Variants in CCNY observed in about 807,000 individuals in gnomAD.
CCNY encodes the protein cyclin-Y.
In CCNY, 19 loss-of-function variants were observed where a neutral mutation model predicts 42.8. The observed-to-expected ratio is 0.44, with a 90% CI of 0.31 to 0.65. The LOEUF (loss-of-function observed/expected upper bound fraction) is 0.65. Among genes scored for constraint, CCNY ranks in the 30% least tolerant of loss-of-function variants. The pLI is 0.07. For synonymous variants in CCNY, 165 were observed against 162.7 expected (o/e 1.01, Z -0.11); for missense variants, 370 against 437.3 (o/e 0.85, Z 1.37).
At chr10:35,395,764 C>T (rs1564395048) in intron 1 of CCNY, among the ~76,000 whole-genome samples, 1 of 152,162 alleles carries the variant, frequency 6.6e-6, no homozygotes, top group Non-Finnish European at 1.5e-5. Context: ...TTGTGTGTTA[C>T]TTTTAGGTCC....
intron 1 of CCNY, among the ~76,000 whole-genome samples, chr10:35,397,989 G>A (rs1459842069): frequency 6.6e-6 from 1 of 152,206 alleles, no homozygotes; most frequent in African/African-American, 2.4e-5. Context: ...GGGAGGCACA[G>A]TGAGACCAGA....
chr10:35,507,846 G>A (rs1455484603), intron 3 of CCNY, among the ~76,000 whole-genome samples: 3 of 150,580 alleles, frequency 2.0e-5, no homozygotes, highest in East Asian at 3.9e-4. Context: ...GGATTTGCCC[G>A]AAGGATTCAG....
intron 3 of CCNY, among the ~76,000 whole-genome samples, chr10:35,265,243 A>C (rs1340730195): frequency 6.6e-6 from 1 of 152,216 alleles, no homozygotes; most frequent in Non-Finnish European, 1.5e-5. Flanking sequence ...GTATTAGTAG[A>C]CTGGTGACCT....
intron 3 of CCNY, among the ~76,000 whole-genome samples, chr10:35,297,722 A>C (rs1835488308): frequency 6.6e-6 from 1 of 152,202 alleles, no homozygotes; most frequent in Non-Finnish European, 1.5e-5. Context: ...CCAAATCAGG[A>C]ATGCAATCCC....
intron 3 of CCNY, among the ~76,000 whole-genome samples, chr10:35,312,135 T>C (rs1009884103): frequency 6.6e-6 from 1 of 152,144 alleles, no homozygotes; most frequent in Non-Finnish European, 1.5e-5. Flanking sequence ...CCCAGCCCTT[T>C]GGGACGCTGA....
At chr10:35,402,917 A>G (rs1837674327) in intron 1 of CCNY, among the ~76,000 whole-genome samples, 1 of 152,162 alleles carries the variant, frequency 6.6e-6, no homozygotes, top group South Asian at 2.1e-4. Context: ...AGAGGTGGGA[A>G]GGCTAAACTG....
chr10:35,280,433 A>G (rs1382850438), intron 3 of CCNY, among the ~76,000 whole-genome samples: 4 of 149,300 alleles, frequency 2.7e-5, no homozygotes, highest in African/African-American at 7.4e-5. Context: ...AGGAAAGGGG[A>G]GGAAGGAAAG....
intron 7 of CCNY, among the ~76,000 whole-genome samples, chr10:35,544,150 A>G (rs557490156): frequency 6.6e-6 from 1 of 152,356 alleles, no homozygotes; most frequent in Non-Finnish European, 1.5e-5. Context: ...TACAGCATTT[A>G]TCAAGTCCAC....
intron 1 of CCNY, among the ~76,000 whole-genome samples, chr10:35,439,992 C>A (rs1416372226): frequency 1.3e-5 from 2 of 151,772 alleles, no homozygotes; most frequent in Non-Finnish European, 2.9e-5. Context: ...GGATGAAAGT[C>A]CTGGCCCCCT....
At chr10:35,506,499 G>A (rs1211580862) in intron 3 of CCNY, among the ~76,000 whole-genome samples, 1 of 152,198 alleles carries the variant, frequency 6.6e-6, no homozygotes, top group Non-Finnish European at 1.5e-5. Context: ...AATTCCTTAA[G>A]TGTATTGGTT....
chr10:35,518,637 T>A (rs12780623), intron 4 of CCNY, among the ~76,000 whole-genome samples: 6 of 87,614 alleles, frequency 6.8e-5, no homozygotes, highest in South Asian at 4.2e-4. Context: ...GCTGAGGCAT[T>A]CTCTGGGTAT....
chr10:35,337,985 A>G (rs1306286798), intron 1 of CCNY, among the ~76,000 whole-genome samples: 1 of 152,238 alleles, frequency 6.6e-6, no homozygotes, highest in Non-Finnish European at 1.5e-5. Flanking sequence ...TGGTTTGGCA[A>G]CATATTTATT....
At chr10:35,300,991 A>T (rs1286297214) in intron 3 of CCNY, among the ~76,000 whole-genome samples, 1 of 152,106 alleles carries the variant, frequency 6.6e-6, no homozygotes, top group Non-Finnish European at 1.5e-5. Context: ...TATTTTTAGT[A>T]GAGACGAGGT....
rs1262743904 is a variant in CCNY at position 35,570,711 on chromosome 10, A to G, written c.*1541A>G. ...GAGCTTGGAAAACTTTGGCATCTTA[A>G]TTAGTCTTGAATCATACACCTGATC... is the stretch of plus-strand genomic sequence containing the variant. On this transcript the variant is annotated 3_prime_UTR_variant, in exon 10 of 10. Transcript: ENST00000374704. 6.6e-6 allele frequency: 1 copy of G among 152,252 alleles called. No individual in the cohort carries two copies. The highest frequency in any genetic ancestry group is 1.9e-4 in the East Asian group (1 of 5,328). The allele number at this position is 152,252 out of a possible 1,614,324, so 9.4% of individuals were successfully genotyped here.
intron 3 of CCNY, among the ~76,000 whole-genome samples, chr10:35,252,972 C>T (rs1251781164): frequency 1.3e-5 from 2 of 152,088 alleles, no homozygotes; most frequent in East Asian, 1.9e-4. Flanking sequence ...ATATTCCATA[C>T]AATTTTACCA....
intron 1 of CCNY, among the ~76,000 whole-genome samples, chr10:35,424,296 G>A (rs1325600780): frequency 1.3e-5 from 2 of 152,008 alleles, no homozygotes; most frequent in Non-Finnish European, 1.5e-5. Context: ...GCGTGATCTC[G>A]GCTCACCGCA....
intron 7 of CCNY, among the ~76,000 whole-genome samples, chr10:35,536,991 C>T (rs1412010747): frequency 1.3e-5 from 2 of 152,180 alleles, no homozygotes; most frequent in Non-Finnish European, 2.9e-5. Flanking sequence ...TTCAGGGCAA[C>T]CCCTCCCATC....
chr10:35,399,331 A>G (rs1837593592), intron 1 of CCNY, among the ~76,000 whole-genome samples: 1 of 4,790 alleles, frequency 2.1e-4, no homozygotes, highest in Non-Finnish European at 6.4e-4. Context: ...ATGCTTATCC[A>G]TGTTTGAGGT....
intron 3 of CCNY, among the ~76,000 whole-genome samples, chr10:35,509,871 A>G (rs925831857): frequency 6.6e-6 from 1 of 152,216 alleles, no homozygotes; most frequent in Non-Finnish European, 1.5e-5. Flanking sequence ...TAAGGCAAAG[A>G]CAGTTCTGCA....
Sources: allele counts gnomAD v4.1 joint callset (sites outside exome capture counted in the v4.1 genomes callset), GRCh38; gene constraint gnomAD v4.1.1; transcripts MANE v1.5; gene names NCBI Gene and HGNC (gene_info 2026-07-23, HGNC 2026-07-21).